The following TLN2 variants were observed in gnomAD, a reference collection of about 807,000 sequenced individuals.
TLN2 encodes the protein talin 2, also known as talin-2.
TLN2 carries 118 observed loss-of-function variants against 294.7 expected under a neutral mutation model. The ratio of observed to expected loss-of-function variants is 0.40; its 90% CI spans 0.34 to 0.47. TLN2 has a LOEUF of 0.47. TLN2 is among the 20% of genes least tolerant of loss of function. The pLI, the probability that TLN2 is intolerant of heterozygous loss-of-function variation, is 0.84. For missense variants in TLN2, 3,083 were observed against 3,282.2 expected, an observed-to-expected ratio of 0.94 and a Z score of 1.48; for synonymous variants, 1,431 against 1,304.5, an observed-to-expected ratio of 1.10 and a Z score of -2.09.
intron 3 of TLN2, among the ~76,000 whole-genome samples, chr15:62,620,837 C>CTTTTTTTT (rs71129016): frequency 6.3e-4 from 42 of 66,218 alleles, no homozygotes; most frequent in East Asian, 1.4e-3. Context: ...CTTTCTTTTT[C>CTTTTTTTT]TTTTTTTTTT....
rs1259865298 is a variant in TLN2, at chr15:62,426,542, C to T, written c.-238+35857C>T. ...CCTTTTAGACCCAGACAGACCTCAGCCTGGTCCAGCTGGCGAATTCTTTGT... is the reference window on the plus strand; with the variant it reads ...CCTTTTAGACCCAGACAGACCTCAGTCTGGTCCAGCTGGCGAATTCTTTGT... On this transcript the variant is annotated intron_variant, in intron 1 of 58. Transcript: ENST00000636159. Among the ~76,000 whole-genome samples, 7 of 152,170 alleles carry T rather than the reference C, an allele frequency of 4.6e-5. 1 individual carries two copies. The highest frequency in any genetic ancestry group is 4.6e-4 in the Admixed American group (7 of 15,284).
At position 62,800,398 on chromosome 15, in the gene TLN2, G is replaced by C; in HGVS notation, c.6265G>C (p.Ala2089Pro). ...TTTGATCAATGCCATCAAAGATGTG[G>C]CCAAGGCCCTTTCTGATCTCATCAG... ...VVLINAIKDV[A>P]KALSDLISAT... The change falls in exon 49 of 59, where the codon GCC becomes CCC. Residue 2089 changes from alanine to proline, a missense_variant. Ala to Pro is a conservative substitution (Grantham distance 27). Transcript: ENST00000636159. 6.2e-7 allele frequency: 1 copy of C among 1,614,148 alleles called. No homozygotes were observed. The highest frequency in any genetic ancestry group is 1.3e-5 in the African/African-American group (1 of 75,054).
intron 3 of TLN2, among the ~76,000 whole-genome samples, chr15:62,628,114 T>C (rs182853105): frequency 1.3e-3 from 194 of 152,370 alleles, no homozygotes; most frequent in African/African-American, 4.4e-3. Context: ...CTGAGAAGTC[T>C]AAGATTACCA....
chr15:62,569,389 A>C (rs1205617014), intron 1 of TLN2, among the ~76,000 whole-genome samples: 3 of 152,348 alleles, frequency 2.0e-5, no homozygotes, highest in African/African-American at 7.2e-5. Flanking sequence ...CCCAAGTGAC[A>C]GACATTTGGC....
intron 2 of TLN2, among the ~76,000 whole-genome samples, chr15:62,595,923 A>G (rs768539131): frequency 1.4e-4 from 22 of 152,212 alleles, no homozygotes; most frequent in Admixed American, 3.9e-4. Context: ...ACAAAATTTC[A>G]GTTAGATATA....
intron 1 of TLN2, among the ~76,000 whole-genome samples, chr15:62,493,191 C>G (rs536072724): frequency 6.6e-6 from 1 of 152,302 alleles, no homozygotes; most frequent in South Asian, 2.1e-4. Context: ...TGGGCAAGTA[C>G]GAGTGAGCTT....
chr15:62,778,319 C>G (rs929524521), intron 43 of TLN2, among the ~76,000 whole-genome samples: 1 of 152,172 alleles, frequency 6.6e-6, no homozygotes. Context: ...AAATTTCCCT[C>G]TTCTGCGGGC....
intron 48 of TLN2, among the ~76,000 whole-genome samples, 164 bp from the exon 49 acceptor site, chr15:62,800,204 A>G (rs996822768): frequency 2.6e-5 from 4 of 152,200 alleles, no homozygotes; most frequent in Non-Finnish European, 4.4e-5. Flanking sequence ...GTCCTGTATC[A>G]GAATCACCAA....
chr15:62,537,306 C>T (rs1023379660), intron 1 of TLN2, among the ~76,000 whole-genome samples: 18 of 152,278 alleles, frequency 1.2e-4, no homozygotes, highest in African/African-American at 4.3e-4. Flanking sequence ...TGAGCCACCG[C>T]GCCCGGCCTG....
intron 2 of TLN2, among the ~76,000 whole-genome samples, chr15:62,590,184 G>C (rs1187060663): frequency 6.6e-6 from 1 of 151,960 alleles, no homozygotes; most frequent in Non-Finnish European, 1.5e-5. Flanking sequence ...TTTAAGTTCA[G>C]GGTACATGGG....
chr15:62,661,770 C>G (rs913708528), intron 9 of TLN2, among the ~76,000 whole-genome samples: 1 of 151,988 alleles, frequency 6.6e-6, no homozygotes, highest in Non-Finnish European at 1.5e-5. Flanking sequence ...AACTGATAAA[C>G]CAGGAAATTT....
chr15:62,724,884 T>C lies in TLN2; in HGVS notation c.3127-92T>C, dbSNP rs16945568. 2.9e-3 allele frequency: 4,189 copies of C among 1,454,084 alleles called. 103 individuals are homozygous for C. The African/African-American group carries it at 0.053, about 19-fold the overall frequency. The allele number at this position is 1,454,084 out of a possible 1,614,324, so 90.1% of individuals were successfully genotyped here. A position where few individuals can be genotyped will look rare whatever the true frequency, so the allele number is the denominator to read the frequency against. On this transcript the variant is annotated intron_variant, in intron 26 of 58. Coordinates refer to ENST00000636159, the MANE Select transcript of TLN2 (RefSeq NM_015059.3). Reference sequence around the variant, plus strand: ...CTGCTGGATTTGGAGAATCACTGGGTATATCCAGAAGGGCATTTTATAAGT... The same window carrying C: ...CTGCTGGATTTGGAGAATCACTGGGCATATCCAGAAGGGCATTTTATAAGT...
intron 1 of TLN2, among the ~76,000 whole-genome samples, chr15:62,582,938 A>G (rs2045269625): frequency 6.6e-6 from 1 of 152,210 alleles, no homozygotes; most frequent in Non-Finnish European, 1.5e-5. Flanking sequence ...GGAAGGGTTT[A>G]GTTAATTTAA....
At chr15:62,817,145 G>C (rs2067179510) in intron 52 of TLN2, among the ~76,000 whole-genome samples, 2 of 152,310 alleles carry the variant, frequency 1.3e-5, no homozygotes, top group Non-Finnish European at 2.9e-5. Context: ...ATTGACTGCT[G>C]AACCTATGCC....
intron 43 of TLN2, among the ~76,000 whole-genome samples, chr15:62,779,157 T>G (rs569547766): frequency 6.6e-6 from 1 of 152,326 alleles, no homozygotes; most frequent in South Asian, 2.1e-4. Context: ...GGAGCTTCTC[T>G]TTGAGATTCT....
At position 62,414,164 on chromosome 15, in the gene TLN2, C is replaced by CAATATATATATATATATATATATATA. The variant is rs1273620699; in HGVS notation, c.-238+23479_-238+23480insAATATATATATATATATATATATATA. The stretch of plus-strand genomic sequence containing the variant: ...AGTGAAGTGTTAGCAAAAAAAAAAA[C>CAATATATATATATATATATATATATA]TATATATATATATATATATATATAT... On this transcript the variant is annotated intron_variant, in intron 1 of 58. Coordinates refer to ENST00000636159, the MANE Select transcript of TLN2 (RefSeq NM_015059.3). Among the ~76,000 whole-genome samples the CAATATATATATATATATATATATATA allele has an allele frequency of 1.9e-3, 176 of 90,592 alleles. 8 individuals carry two copies. The highest frequency in any genetic ancestry group is 3.2e-3 in the Admixed American group (20 of 6,316). 59.4% of individuals were successfully genotyped at this position (90,592 alleles called of 152,430 possible). A position where few individuals can be genotyped will look rare whatever the true frequency, so the allele number is the denominator to read the frequency against.
chr15:62,695,837 G>A (rs963373402), intron 14 of TLN2, among the ~76,000 whole-genome samples: 13 of 152,302 alleles, frequency 8.5e-5, no homozygotes, highest in Middle Eastern at 3.4e-3. Flanking sequence ...AGGGTGATCT[G>A]CGTCACTTCA....
At chr15:62,401,503 A>T (rs917666970) in intron 1 of TLN2, among the ~76,000 whole-genome samples, 1 of 152,132 alleles carries the variant, frequency 6.6e-6, no homozygotes, top group Non-Finnish European at 1.5e-5. Flanking sequence ...GCTTTGCAGG[A>T]TGGGTTTCTT....
chr15:62,614,963 G>C (rs1276394920), intron 2 of TLN2, among the ~76,000 whole-genome samples: 2 of 152,022 alleles, frequency 1.3e-5, no homozygotes, highest in Admixed American at 1.3e-4. Context: ...TCACCACCAC[G>C]CCTGGCTAAT....
Sources: allele counts gnomAD v4.1 joint callset (sites outside exome capture counted in the v4.1 genomes callset), GRCh38; gene constraint gnomAD v4.1.1; transcripts MANE v1.5; gene names NCBI Gene and HGNC (gene_info 2026-07-23, HGNC 2026-07-21).